CTNNA3: variants seen among roughly 807,000 people sequenced by gnomAD.
The protein encoded by CTNNA3 is catenin alpha 3.
A neutral mutation model predicts 95.7 loss-of-function variants in CTNNA3; 76 were observed. The observed-to-expected ratio is 0.79, with a 90% CI of 0.66 to 0.96. The LOEUF is 0.96. Among genes scored for constraint, CTNNA3 ranks in the 40% least tolerant of loss-of-function variants. CTNNA3 has a pLI of 0.00. For missense variants in CTNNA3, 1,191 were observed against 1,089.8 expected (o/e 1.09, Z -1.31); for synonymous variants, 431 against 374.4 (o/e 1.15, Z -1.74).
At chr10:67,229,603 C>T (rs1865092546) in intron 5 of CTNNA3, among the ~76,000 whole-genome samples, 1 of 152,144 alleles carries the variant, frequency 6.6e-6, no homozygotes, top group African/African-American at 2.4e-5. Flanking sequence ...TAGAACGATA[C>T]AAGAATTCAG....
At chr10:67,116,194 T>A (rs1322076318) in intron 7 of CTNNA3, among the ~76,000 whole-genome samples, 4 of 152,060 alleles carry the variant, frequency 2.6e-5, no homozygotes, top group African/African-American at 9.6e-5. Flanking sequence ...CAGGAAATAA[T>A]ACTTTTCCCC....
intron 12 of CTNNA3, among the ~76,000 whole-genome samples, chr10:66,366,623 G>A (rs967872700): frequency 2.0e-5 from 3 of 152,080 alleles, no homozygotes; most frequent in East Asian, 1.9e-4. Flanking sequence ...ATCTGCTGGT[G>A]CCTTGATCTT....
At chr10:66,976,289 C>A (rs1414925332) in intron 7 of CTNNA3, among the ~76,000 whole-genome samples, 2 of 152,104 alleles carry the variant, frequency 1.3e-5, no homozygotes, top group African/African-American at 2.4e-5. Context: ...AGGGACGATA[C>A]CCCTGTAAAA....
chr10:66,221,301 A>T (rs2088916046), intron 13 of CTNNA3, among the ~76,000 whole-genome samples: 1 of 152,136 alleles, frequency 6.6e-6, no homozygotes, highest in Admixed American at 6.5e-5. Context: ...TTCACTAGCT[A>T]CCTGTTATTT....
intron 5 of CTNNA3, among the ~76,000 whole-genome samples, chr10:67,433,076 T>C (rs921646690): frequency 2.6e-5 from 4 of 152,252 alleles, no homozygotes; most frequent in Middle Eastern, 3.4e-3. Context: ...TCTTAGATTT[T>C]GACATACCTT....
At chr10:66,458,643 C>A (rs1181055040) in intron 11 of CTNNA3, among the ~76,000 whole-genome samples, 1 of 152,158 alleles carries the variant, frequency 6.6e-6, no homozygotes, top group East Asian at 1.9e-4. Flanking sequence ...ACGGATTTAA[C>A]TATTCTAGGT....
At chr10:67,201,639 C>T (rs1359805261) in intron 6 of CTNNA3, among the ~76,000 whole-genome samples, 2 of 152,100 alleles carry the variant, frequency 1.3e-5, no homozygotes, top group Non-Finnish European at 2.9e-5. Flanking sequence ...ATATAACTTG[C>T]ATTTAGTCCA....
At chr10:66,631,672 G>A (rs1417703183) in intron 9 of CTNNA3, among the ~76,000 whole-genome samples, 1 of 152,054 alleles carries the variant, frequency 6.6e-6, no homozygotes, top group Non-Finnish European at 1.5e-5. Context: ...CAAGTGTCAT[G>A]CTCAAAATTC....
chr10:66,722,248 GGTGCCT>G (rs1164154463), intron 9 of CTNNA3, among the ~76,000 whole-genome samples: 5 of 151,864 alleles, frequency 3.3e-5, no homozygotes, highest in Non-Finnish European at 7.4e-5. Flanking sequence ...CGTGGTGGCA[GGTGCCT>G]GTAGTCCCAG....
In CTNNA3 at chr10:65,962,631, C is replaced by A. The variant is rs374987827; in HGVS notation, c.2400+3981G>T. ...TGCAGTTTTGTTACATAGATATACA[C>A]GTGCCCTGGTGGTTTGCTGCACCCA... On this transcript the variant is annotated intron_variant, in intron 17 of 17. Coordinates refer to ENST00000433211, the MANE Select transcript of CTNNA3 (RefSeq NM_013266.4). Among the ~76,000 whole-genome samples the A allele has an allele frequency of 2.7e-4, 41 of 151,928 alleles. 1 individual carries two copies. In the East Asian group the frequency reaches 6.0e-3, roughly 22 times the overall value.
At chr10:67,673,552 T>G (rs1840481179) in intron 1 of CTNNA3, among the ~76,000 whole-genome samples, 2 of 148,812 alleles carry the variant, frequency 1.3e-5, no homozygotes, top group Non-Finnish European at 3.0e-5. Context: ...CCTAATTTAT[T>G]GAGAGTTTTT....
intron 9 of CTNNA3, among the ~76,000 whole-genome samples, chr10:66,742,071 G>C (rs1048098314): frequency 6.6e-6 from 1 of 152,190 alleles, no homozygotes; most frequent in Non-Finnish European, 1.5e-5. Context: ...CTGACTGCCG[G>C]TGAGCCAGGC....
chr10:66,471,710 T>TG (rs1248323312), intron 11 of CTNNA3, among the ~76,000 whole-genome samples: 24 of 151,846 alleles, frequency 1.6e-4, no homozygotes, highest in African/African-American at 5.3e-4. Context: ...ACCGTGAAAA[T>TG]GCTCCAACTT....
Position 66,853,301 on chromosome 10 carries a change from A to G in CTNNA3, c.1048-77777T>C, listed in dbSNP as rs1480444112. ...TTATTATCCGGCCCGTTAGAGAAAA[A>G]GAAAGTTCTTATCTATAATTTCTGA... On this transcript the variant is annotated intron_variant, in intron 7 of 17. Coordinates refer to ENST00000433211, the MANE Select transcript of CTNNA3 (RefSeq NM_013266.4). 1.3e-5 allele frequency among the ~76,000 whole-genome samples: 2 copies of G among 152,096 alleles called. 1 individual carries two copies. The highest frequency in any genetic ancestry group is 2.9e-5 in the Non-Finnish European group (2 of 67,986).
chr10:67,370,967 C>T (rs1344002976), intron 5 of CTNNA3, among the ~76,000 whole-genome samples: 8 of 148,584 alleles, frequency 5.4e-5, no homozygotes, highest in African/African-American at 1.7e-4. Flanking sequence ...CCCGGGTTCA[C>T]GCCATTCTCC....
rs771377847 is a variant in CTNNA3 at position 67,358,788 on chromosome 10, G to A, written c.580-138918C>T. Among the ~76,000 whole-genome samples the A allele has an allele frequency of 5.8e-4, 88 of 152,146 alleles. 1 individual carries two copies. The highest frequency in any genetic ancestry group is 1.8e-3 in the African/African-American group (76 of 41,508). On this transcript the variant is annotated intron_variant, in intron 5 of 17. Transcript: ENST00000433211. ...CAGGCTTCCCCCAAAAGAGAAGGAG[G>A]TGCAGCCCACCAGGGACCCCCTTGG...
intron 7 of CTNNA3, among the ~76,000 whole-genome samples, chr10:66,890,724 C>A (rs1845235495): frequency 6.6e-6 from 1 of 152,074 alleles, no homozygotes; most frequent in African/African-American, 2.4e-5. Context: ...AAGGAAGGTC[C>A]AAGAGAAGGC....
At position 65,916,842 on chromosome 10, in the gene CTNNA3, ACCCTCAAAATGAAG is replaced by A. The variant is rs1388435486; in HGVS notation, c.*3474_*3487del. The A allele has an allele frequency of 6.6e-6, 1 of 152,058 alleles. No homozygotes were observed. Among genetic ancestry groups the A allele is most frequent in the Non-Finnish European group, 1.5e-5 (1 of 68,010 alleles). 9.4% of individuals were successfully genotyped at this position (152,058 alleles called of 1,614,324 possible). Reference sequence around the variant, plus strand: ...GCCCAGAGGTGGGTGAGATGAGAACACCCTCAAAATGAAGGTTCAGGAAGCCGTTGAAGTCACTT... The same window carrying A: ...GCCCAGAGGTGGGTGAGATGAGAACAGTTCAGGAAGCCGTTGAAGTCACTT... On this transcript the variant is annotated 3_prime_UTR_variant, in exon 18 of 18. Transcript: ENST00000433211.
chr10:66,095,522 T>A (rs975550395), intron 14 of CTNNA3, among the ~76,000 whole-genome samples: 1 of 152,058 alleles, frequency 6.6e-6, no homozygotes, highest in African/African-American at 2.4e-5. Context: ...CAAATTTGAG[T>A]TATTGAGAGT....
Sources: gnomAD v4.1 joint callset for allele counts (sites outside exome capture counted in the v4.1 genomes callset) on GRCh38, gnomAD v4.1.1 for gene constraint, MANE v1.5 for transcripts, NCBI Gene and HGNC (gene_info 2026-07-23, HGNC 2026-07-21) for gene names.